KTN1: variants seen among roughly 807,000 people sequenced by gnomAD.
KTN1 encodes the protein kinectin 1.
KTN1 carries 130 observed loss-of-function variants against 222.5 expected under a neutral mutation model. The observed-to-expected ratio is 0.58, with a 90% CI of 0.51 to 0.68. The LOEUF is 0.68. Ranked by LOEUF, KTN1 falls within the 30% of genes least tolerant of loss-of-function variation. KTN1 has a pLI of 0.00. For synonymous variants in KTN1, 512 were observed against 496.3 expected (o/e 1.03, Z -0.42); for missense variants, 1,508 against 1,500.4 (o/e 1.01, Z -0.08).
chr14:55,602,722 C>T (rs2036163660), intron 1 of KTN1, among the ~76,000 whole-genome samples: 2 of 152,110 alleles, frequency 1.3e-5, no homozygotes, highest in Admixed American at 1.3e-4. Flanking sequence ...GCTGGGACTA[C>T]AGGTGCATGC....
chr14:55,588,238 AAG>A (rs1217267693), intron 1 of KTN1, among the ~76,000 whole-genome samples: 3 of 152,210 alleles, frequency 2.0e-5, no homozygotes, highest in Non-Finnish European at 4.4e-5. Context: ...AGAAAATCAT[AAG>A]AGACTGTGTA....
intron 1 of KTN1, among the ~76,000 whole-genome samples, chr14:55,591,549 T>C (rs1454279205): frequency 6.6e-6 from 1 of 151,970 alleles, no homozygotes; most frequent in African/African-American, 2.4e-5. Context: ...ATTGATACAT[T>C]GTATGTCTTG....
At chr14:55,611,612 C>T (rs896937960) in intron 1 of KTN1, among the ~76,000 whole-genome samples, 2 of 152,002 alleles carry the variant, frequency 1.3e-5, no homozygotes, top group Non-Finnish European at 2.9e-5. Context: ...AATGAATGTC[C>T]ATTGAGTTGG....
intron 32 of KTN1, among the ~76,000 whole-genome samples, chr14:55,662,332 AG>A (rs763906621): frequency 3.6e-4 from 55 of 152,114 alleles, no homozygotes; most frequent in Non-Finnish European, 7.4e-4. Flanking sequence ...GGCCTCGCAA[AG>A]TGCTGGGATT....
At chr14:55,610,229 C>A (rs1254195558) in intron 1 of KTN1, among the ~76,000 whole-genome samples, 3 of 152,082 alleles carry the variant, frequency 2.0e-5, no homozygotes, top group African/African-American at 7.2e-5. Flanking sequence ...CTTCAGGACC[C>A]CTGTGTATAC....
At chr14:55,681,196 G>A (rs1050769039) in intron 43 of KTN1, 2 of 157,504 alleles carry the variant, frequency 1.3e-5, no homozygotes, top group Non-Finnish European at 2.8e-5. Context: ...AATCATTAAT[G>A]ATCCCTAATT....
rs1260341898 is a variant in KTN1 at position 55,648,788 on chromosome 14, T to G, written c.2299-14T>G. On this transcript the variant is annotated splice_polypyrimidine_tract_variant and intron_variant, in intron 20 of 43. Transcript: ENST00000395314. ...AGAGTAAAATCATGTTTTGCTTATG[T>G]GTCTTTGAAAAAGGCAATAAGAACA... 2 of 1,558,648 alleles carry G rather than the reference T, an allele frequency of 1.3e-6. No individual in the cohort carries two copies. The highest frequency in any genetic ancestry group is 1.8e-6 in the Non-Finnish European group (2 of 1,132,612).
Position 55,627,685 on chromosome 14 carries a change from A to G in KTN1, c.964-227A>G, listed in dbSNP as rs532536883. ...TGTGTCCATGTGTTCTCATTGTTCA[A>G]CTCCCACTTATGAGTGAGAACATGC... On this transcript the variant is annotated intron_variant, in intron 5 of 43. Transcript: ENST00000395314. Among the ~76,000 whole-genome samples, 3 of 151,266 alleles carry G rather than the reference A, an allele frequency of 2.0e-5. No individual in the cohort carries two copies. In the South Asian group the frequency reaches 6.3e-4, roughly 32 times the overall value.
intron 30 of KTN1, 132 bp downstream of exon 30, chr14:55,658,746 T>C (rs1000067449): frequency 5.0e-6 from 3 of 600,214 alleles, no homozygotes; most frequent in Admixed American, 6.5e-5. Flanking sequence ...TTTATCAAAT[T>C]TTATATAAAA....
intron 5 of KTN1, among the ~76,000 whole-genome samples, chr14:55,619,925 A>G (rs186943295): frequency 3.9e-5 from 6 of 152,262 alleles, no homozygotes; most frequent in East Asian, 1.9e-4. Context: ...CATTAATTCA[A>G]AAGTCCACAG....
intron 21 of KTN1, 130 bp from the exon 22 acceptor site, chr14:55,649,646 G>C: frequency 6.7e-6 from 4 of 601,238 alleles, no homozygotes; most frequent in Non-Finnish European, 1.1e-5. Context: ...AAAAAGTCTC[G>C]AAAGAATGCC....
At chr14:55,667,126 T>G in intron 33 of KTN1, 115 bp from the exon 34 acceptor site, 1 of 657,284 alleles carries the variant, frequency 1.5e-6, no homozygotes, top group South Asian at 2.0e-5. Context: ...TATTAAAAAT[T>G]TTTTTTAAAC....
intron 1 of KTN1, among the ~76,000 whole-genome samples, chr14:55,585,509 T>G (rs13379264): frequency 0.02 from 2,978 of 152,344 alleles, 57 homozygotes; most frequent in African/African-American, 0.051. Flanking sequence ...TTTCATAGAT[T>G]GTACTCTAAA....
At chr14:55,620,154 C>A (rs527811990) in intron 5 of KTN1, among the ~76,000 whole-genome samples, 1 of 152,358 alleles carries the variant, frequency 6.6e-6, no homozygotes, top group East Asian at 1.9e-4. Context: ...TCTCCTTTGA[C>A]TCCATGTCTC....
chr14:55,612,207 T>A lies in KTN1; in HGVS notation c.159T>A (p.Asp53Glu). ...AAAAGCTTATTCCTACCAAAACAGA[T>A]AAAAAGAAAGCAGAAAAGAAAAAGA... ...REQKLIPTKT[D>E]KKKAEKKKNK... Residue 53 changes from aspartate (D) to glutamate (E), a missense_variant, in exon 2 of 44, where the codon GAT (aspartate) becomes GAA (glutamate). Physicochemically the swap from Asp to Glu is conservative, Grantham distance 45. Coordinates refer to ENST00000395314, the MANE Select transcript of KTN1 (RefSeq NM_001079521.2). The A allele has an allele frequency of 6.3e-7, 1 of 1,586,164 alleles. No homozygotes were observed.
In KTN1 at chr14:55,684,175, T is replaced by A; in HGVS notation, c.*72T>A. The A allele has an allele frequency of 8.1e-7, 1 of 1,230,042 alleles. No homozygotes were observed. The highest frequency in any genetic ancestry group is 1.2e-6 in the Non-Finnish European group (1 of 853,870). 76.2% of individuals were successfully genotyped at this position (1,230,042 alleles called of 1,614,324 possible). On this transcript the variant is annotated 3_prime_UTR_variant, in exon 44 of 44. Transcript: ENST00000395314. Reference sequence around the variant, plus strand: ...ATATTTTGCCAAATTAAAGCCTTATTTATGTTTTCACCCTTTCTACTTTGT... The same window carrying A: ...ATATTTTGCCAAATTAAAGCCTTATATATGTTTTCACCCTTTCTACTTTGT...
intron 43 of KTN1, chr14:55,680,489 T>C: frequency 2.6e-6 from 1 of 388,088 alleles, no homozygotes; most frequent in Non-Finnish European, 5.2e-6. Context: ...GATATTCTTC[T>C]TTTGAAGATA....
Position 55,658,632 on chromosome 14 carries a change from T to A in KTN1, c.2961+18T>A, listed in dbSNP as rs747359504. The A allele has an allele frequency of 2.6e-6, 4 of 1,546,020 alleles. No individual in the cohort carries two copies. Among genetic ancestry groups the A allele is most frequent in the Non-Finnish European group, 3.5e-6 (4 of 1,130,088 alleles). On this transcript the variant is annotated intron_variant, in intron 30 of 43. Transcript: ENST00000395314. ...ACCAACAGGTAGGTATTATTAGATG[T>A]CTTGCCTTTCACTTACGTGGCAAAA...
chr14:55,605,804 T>TA (rs1367539764), intron 1 of KTN1, among the ~76,000 whole-genome samples: 1 of 152,258 alleles, frequency 6.6e-6, no homozygotes, highest in African/African-American at 2.4e-5. Context: ...TGATGGCTAA[T>TA]ATTTACTTTT....
Sources: allele counts gnomAD v4.1 joint callset (sites outside exome capture counted in the v4.1 genomes callset), GRCh38; gene constraint gnomAD v4.1.1; transcripts MANE v1.5; gene names NCBI Gene and HGNC (gene_info 2026-07-23, HGNC 2026-07-21).